Variants in GREB1L observed in about 807,000 individuals in gnomAD.
The protein encoded by GREB1L is GREB1-like protein.
In GREB1L, 17 loss-of-function variants were observed where a neutral mutation model predicts 200.8. That is an observed-to-expected ratio of 0.08 (90% CI 0.06 to 0.13). GREB1L has a LOEUF of 0.13. Among genes scored for constraint, GREB1L ranks in the 10% least tolerant of loss-of-function variants. The pLI, the probability that GREB1L is intolerant of heterozygous loss-of-function variation, is 1.00. For missense variants in GREB1L, 1,657 were observed against 2,367.7 expected (o/e 0.70, Z 6.23); for synonymous variants, 789 against 893.0 (o/e 0.88, Z 2.08).
intron 7 of GREB1L, among the ~76,000 whole-genome samples, chr18:21,410,815 A>G (rs2030900904): frequency 6.6e-6 from 1 of 151,170 alleles, no homozygotes. Context: ...ATATATAAAG[A>G]ATACTTATGG....
At chr18:21,420,411 A>G (rs765382869) in intron 7 of GREB1L, among the ~76,000 whole-genome samples, 11 of 151,902 alleles carry the variant, frequency 7.2e-5, no homozygotes, top group Admixed American at 3.3e-4. Flanking sequence ...ACAGGATAGG[A>G]GAAAAATCTT....
chr18:21,265,891 C>G (rs778187413), intron 1 of GREB1L, among the ~76,000 whole-genome samples: 1 of 151,984 alleles, frequency 6.6e-6, no homozygotes, highest in Non-Finnish European at 1.5e-5. Flanking sequence ...CACAGCAATA[C>G]AGTAAAAGCC....
chr18:21,243,400 C>G (rs910281125), intron 1 of GREB1L, among the ~76,000 whole-genome samples: 5 of 152,202 alleles, frequency 3.3e-5, no homozygotes, highest in African/African-American at 1.2e-4. Context: ...TTCCAAGGTC[C>G]TTATCCTCCC....
intron 19 of GREB1L, among the ~76,000 whole-genome samples, chr18:21,493,992 T>C (rs4800741): frequency 0.32 from 48,194 of 149,708 alleles, 10,637 homozygotes; most frequent in African/African-American, 0.6. Flanking sequence ...TTCTGGGAGA[T>C]AAAACACATT....
rs59115973 is a variant in GREB1L at position 21,522,004 on chromosome 18, C to CAA, written c.5609-643_5609-642dup. 2.0e-3 allele frequency among the ~76,000 whole-genome samples: 62 copies of CAA among 30,984 alleles called. 10 individuals carry two copies. Among genetic ancestry groups the CAA allele is most frequent in the African/African-American group, 7.1e-3 (59 of 8,266 alleles). 20.3% of individuals were successfully genotyped at this position (30,984 alleles called of 152,430 possible). A position where few individuals can be genotyped will look rare whatever the true frequency, so the allele number is the denominator to read the frequency against. On this transcript the variant is annotated intron_variant, in intron 32 of 32. Transcript: ENST00000424526. Reference sequence around the variant, plus strand: ...GGGCAACAGAGGAAGACTCCGTCTCCAAAAAAAAAAAAGGTAAGACACAGA... The same window carrying CAA: ...GGGCAACAGAGGAAGACTCCGTCTCCAAAAAAAAAAAAAAGGTAAGACACAGA...
intron 26 of GREB1L, 49 bp downstream of exon 26, chr18:21,508,328 C>T (rs575369504): frequency 1.5e-5 from 24 of 1,550,192 alleles, no homozygotes; most frequent in African/African-American, 4.1e-5. Flanking sequence ...GTTCTTTAAG[C>T]GTCTTCAATC....
intron 6 of GREB1L, 23 bp from the exon 7 acceptor site, chr18:21,403,849 A>G: frequency 6.5e-7 from 1 of 1,547,508 alleles, no homozygotes; most frequent in Non-Finnish European, 8.7e-7. Context: ...ACTTCATACA[A>G]TGTGATTTTT....
chr18:21,357,050 G>GTTAT (rs911696904), intron 1 of GREB1L, among the ~76,000 whole-genome samples: 41 of 152,068 alleles, frequency 2.7e-4, no homozygotes, highest in Non-Finnish European at 3.8e-4. Context: ...AATCACTTGA[G>GTTAT]TTATTTATTT....
intron 1 of GREB1L, among the ~76,000 whole-genome samples, chr18:21,272,551 A>G (rs571073473): frequency 6.6e-6 from 1 of 152,348 alleles, no homozygotes; most frequent in South Asian, 2.1e-4. Flanking sequence ...TTTCTTAAAG[A>G]TATTTCACCT....
At chr18:21,487,326 T>A (rs2036164900) in intron 18 of GREB1L, among the ~76,000 whole-genome samples, 1 of 152,230 alleles carries the variant, frequency 6.6e-6, no homozygotes, top group South Asian at 2.1e-4. Context: ...ACTGTGCACT[T>A]CTGACTTCAT....
In GREB1L at chr18:21,487,755, C is replaced by A. The variant is rs2036180557; in HGVS notation, c.2690+2002C>A. Among the ~76,000 whole-genome samples the A allele has an allele frequency of 2.0e-5, 3 of 151,928 alleles. No individual in the cohort carries two copies. The South Asian group carries it at 6.2e-4, about 32-fold the overall frequency. ...GTGGCTCATGCCTGTAATCCCACCA[C>A]TTTGGGAGGCCAAGGTGGGTGGATC... is the stretch of plus-strand genomic sequence containing the variant. On this transcript the variant is annotated intron_variant, in intron 18 of 32. Transcript: ENST00000424526.
At chr18:21,381,107 T>G (rs1598726207) in intron 2 of GREB1L, among the ~76,000 whole-genome samples, 1 of 152,114 alleles carries the variant, frequency 6.6e-6, no homozygotes, top group East Asian at 1.9e-4. Flanking sequence ...CCAGGTGCAG[T>G]GGCGGGCGCC....
chr18:21,401,121 A>G (rs1212873421), intron 5 of GREB1L, 29 bp from the exon 6 acceptor site: 17 of 1,524,618 alleles, frequency 1.1e-5, no homozygotes, highest in Middle Eastern at 3.4e-4. Flanking sequence ...TTACAAGGCC[A>G]TTAGTAACAT....
intron 15 of GREB1L, among the ~76,000 whole-genome samples, chr18:21,460,814 AG>A (rs1183728182): frequency 1.3e-5 from 2 of 151,676 alleles, no homozygotes; most frequent in African/African-American, 4.8e-5. Context: ...ACTTGCCTCT[AG>A]GCCAGGCATG....
chr18:21,335,062 A>G (rs1024339929), intron 1 of GREB1L, among the ~76,000 whole-genome samples: 2 of 152,208 alleles, frequency 1.3e-5, no homozygotes, highest in Non-Finnish European at 2.9e-5. Context: ...AACCCTTGCT[A>G]AATTGTTCTG....
At chr18:21,276,924 C>CTTTTTT (rs573871373) in intron 1 of GREB1L, among the ~76,000 whole-genome samples, 1 of 107,670 alleles carries the variant, frequency 9.3e-6, no homozygotes, top group Non-Finnish European at 1.8e-5. Context: ...CAGCCCAGCC[C>CTTTTTT]TTTTTTTTTT....
intron 1 of GREB1L, among the ~76,000 whole-genome samples, chr18:21,279,131 T>C (rs978546795): frequency 5.9e-5 from 9 of 152,130 alleles, no homozygotes; most frequent in African/African-American, 1.9e-4. Context: ...CCTTCCTTGT[T>C]TAAAGAAAAG....
rs537023420 is a variant in GREB1L at position 21,383,801 on chromosome 18, C to T, written c.157+126C>T. ...GATCTCGGCTCACTGCAACGTCTGC[C>T]TCCTGGGTTCAAGCAATTCTCCTGC... is the stretch of plus-strand genomic sequence containing the variant. On this transcript the variant is annotated intron_variant, in intron 3 of 32. Transcript: ENST00000424526. The T allele has an allele frequency of 4.1e-3, 3,734 of 918,198 alleles. 16 individuals are homozygous for T. The highest frequency in any genetic ancestry group is 5.3e-3 in the Non-Finnish European group (3,225 of 609,232). 56.9% of individuals were successfully genotyped at this position (918,198 alleles called of 1,614,324 possible).
At chr18:21,358,772 C>T (rs1173022810) in intron 1 of GREB1L, among the ~76,000 whole-genome samples, 2 of 152,166 alleles carry the variant, frequency 1.3e-5, no homozygotes, top group African/African-American at 4.8e-5. Flanking sequence ...ACCGAAATCG[C>T]AGAAATCACC....
Sources: allele counts gnomAD v4.1 joint callset (sites outside exome capture counted in the v4.1 genomes callset), GRCh38; gene constraint gnomAD v4.1.1; transcripts MANE v1.5; gene names NCBI Gene and HGNC (gene_info 2026-07-23, HGNC 2026-07-21).